The following PARD3 variants were observed in gnomAD, a reference collection of about 807,000 sequenced individuals.
PARD3 encodes par-3 family cell polarity regulator.
Under a neutral mutation model 155.4 loss-of-function variants are expected in PARD3, and 75 were observed. That is an observed-to-expected ratio of 0.48 (90% confidence interval 0.40 to 0.58). The LOEUF is 0.58. PARD3 is among the 20% of genes least tolerant of loss of function. The pLI is 0.00. For missense variants in PARD3, 1,642 were observed against 1,721.7 expected (o/e 0.95, Z 0.82); for synonymous variants, 576 against 610.5 (o/e 0.94, Z 0.83).
At chr10:34,809,872 C>T (rs1279795582) in intron 1 of PARD3, among the ~76,000 whole-genome samples, 2 of 152,064 alleles carry the variant, frequency 1.3e-5, no homozygotes, top group Non-Finnish European at 2.9e-5. Context: ...TTATGCTTGC[C>T]TCTATTTTCT....
rs147415071 is a variant in PARD3 at position 34,340,683 on chromosome 10, T to C, written c.2408+944A>G. On this transcript the variant is annotated intron_variant, in intron 16 of 24. Transcript: ENST00000374788. ...TCATGTGGAGAGTCAGGGAAGAGGATTGGGGGAGTGGTTCACTTTGTTAAG... is the reference window on the plus strand; with the variant it reads ...TCATGTGGAGAGTCAGGGAAGAGGACTGGGGGAGTGGTTCACTTTGTTAAG... Among the ~76,000 whole-genome samples the C allele has an allele frequency of 2.1e-3, 314 of 152,286 alleles. 2 individuals are homozygous for C. Among genetic ancestry groups the C allele is most frequent in the African/African-American group, 5.6e-3 (233 of 41,572 alleles).
At chr10:34,781,594 T>C (rs1358701953) in intron 1 of PARD3, among the ~76,000 whole-genome samples, 1 of 152,200 alleles carries the variant, frequency 6.6e-6, no homozygotes. Flanking sequence ...ATTCTCTAAA[T>C]ATACCAGGCC....
chr10:34,179,172 A>G (rs369395258), intron 22 of PARD3, among the ~76,000 whole-genome samples: 15,472 of 94,184 alleles, frequency 0.16, 1,981 homozygotes, highest in African/African-American at 0.44. Context: ...GTGCGCGCAC[A>G]CACACACACA....
chr10:34,624,364 AAAAAAAACCACAAC>A (rs1206496930), intron 2 of PARD3, among the ~76,000 whole-genome samples: 1 of 151,906 alleles, frequency 6.6e-6, no homozygotes, highest in Non-Finnish European at 1.5e-5. Context: ...AAAACTAGGT[AAAAAAAACCACAAC>A]GAAAAGGATC....
chr10:34,381,744 C>A, intron 9 of PARD3, among the ~76,000 whole-genome samples: 1 of 151,504 alleles, frequency 6.6e-6, no homozygotes, highest in East Asian at 1.9e-4. Context: ...TCAACCTGGG[C>A]AACATGGCAA....
chr10:34,293,888 C>G lies in PARD3; in HGVS notation c.3066-9643G>C, dbSNP rs146524285. On this transcript the variant is annotated intron_variant, in intron 20 of 24. Coordinates refer to ENST00000374788, the MANE Select transcript of PARD3 (RefSeq NM_001184785.2). ...CTTTGCCAGGTCAGAGGCAAATAAT[C>G]ATACCCTACATCTGGTTACCATGGT... 5.3e-5 allele frequency among the ~76,000 whole-genome samples: 8 copies of G among 152,290 alleles called. No homozygotes were observed. The East Asian group carries it at 1.5e-3, about 29-fold the overall frequency.
intron 4 of PARD3, among the ~76,000 whole-genome samples, chr10:34,456,842 T>C (rs1304212304): frequency 2.6e-5 from 4 of 152,234 alleles, no homozygotes; most frequent in Non-Finnish European, 5.9e-5. Context: ...ATAATATCTT[T>C]TCTAGTCATT....
chr10:34,561,973 A>G (rs2085514061), intron 2 of PARD3, among the ~76,000 whole-genome samples: 1 of 151,172 alleles, frequency 6.6e-6, no homozygotes. Flanking sequence ...CTCTACTAAA[A>G]ATACAAAAAA....
chr10:34,687,128 T>A (rs1564508226), intron 2 of PARD3, among the ~76,000 whole-genome samples: 1 of 152,158 alleles, frequency 6.6e-6, no homozygotes, highest in Non-Finnish European at 1.5e-5. Context: ...GTTCCTAACC[T>A]GAAAATTCTG....
chr10:34,221,388 C>CT (rs3039277), intron 22 of PARD3, among the ~76,000 whole-genome samples: 13,122 of 119,674 alleles, frequency 0.11, 2,265 homozygotes, highest in African/African-American at 0.37. Flanking sequence ...CAGGACTTGC[C>CT]TTTTTTTTTT....
At chr10:34,243,391 A>G (rs1953732320) in intron 22 of PARD3, among the ~76,000 whole-genome samples, 1 of 152,208 alleles carries the variant, frequency 6.6e-6, no homozygotes, top group Non-Finnish European at 1.5e-5. Flanking sequence ...TTTACTCCAT[A>G]GATGGCCCGC....
chr10:34,320,548 G>A (rs1363926439), intron 19 of PARD3, among the ~76,000 whole-genome samples: 1 of 152,114 alleles, frequency 6.6e-6, no homozygotes, highest in African/African-American at 2.4e-5. Context: ...GGCATATGTC[G>A]GCTCTTGGCT....
intron 3 of PARD3, among the ~76,000 whole-genome samples, chr10:34,485,198 C>T (rs961821505): frequency 2.0e-4 from 30 of 152,240 alleles, no homozygotes; most frequent in South Asian, 2.1e-4. Flanking sequence ...ATTAGCCGGG[C>T]GTGGTGGTGC....
intron 22 of PARD3, among the ~76,000 whole-genome samples, chr10:34,251,199 G>A (rs142851628): frequency 5.4e-4 from 82 of 152,278 alleles, no homozygotes; most frequent in African/African-American, 1.9e-3. Context: ...ATACAAAGGT[G>A]ACAAATCTAA....
intron 2 of PARD3, among the ~76,000 whole-genome samples, chr10:34,523,081 C>T (rs2082251810): frequency 6.6e-6 from 1 of 152,166 alleles, no homozygotes; most frequent in African/African-American, 2.4e-5. Context: ...TTTTTCTGAA[C>T]ATATCTGAGG....
At chr10:34,509,459 C>T (rs911599049) in intron 3 of PARD3, among the ~76,000 whole-genome samples, 1 of 151,892 alleles carries the variant, frequency 6.6e-6, no homozygotes, top group African/African-American at 2.4e-5. Flanking sequence ...GTTTAGAAGC[C>T]CAGGATAGTG....
intron 20 of PARD3, among the ~76,000 whole-genome samples, chr10:34,294,659 CA>C (rs1160495044): frequency 6.6e-6 from 1 of 152,162 alleles, no homozygotes; most frequent in Non-Finnish European, 1.5e-5. Context: ...TCAGATTCTA[CA>C]TTAGGGAGCT....
rs1338825377 is a variant in PARD3, at chr10:34,317,139, C to G, written c.3033G>C (p.Lys1011Asn). The G allele has an allele frequency of 6.4e-7, 1 of 1,570,130 alleles. No individual in the cohort carries two copies. The highest frequency in any genetic ancestry group is 8.6e-7 in the Non-Finnish European group (1 of 1,156,240). Residue 1011 changes from lysine to asparagine, a missense_variant, in exon 20 of 25, where the codon AAG (lysine) becomes AAC (asparagine). Physicochemically the swap from Lys to Asn is moderately conservative, Grantham distance 94. Around this residue, in one of 3 missense-constraint regions of PARD3, gnomAD observed 1,529 missense variants for 1,587.3 expected, o/e 0.96. Transcript: ENST00000374788. ...TGTCTCCCAAGCCCTTCAGCATTCC[C>G]TTCTTGGCTTTCATTTTATCCTTCT... ...DKEKDKMKAK[K>N]GMLKGLGDMF...
At chr10:34,709,754 C>T (rs1330531781) in intron 1 of PARD3, among the ~76,000 whole-genome samples, 1 of 152,148 alleles carries the variant, frequency 6.6e-6, no homozygotes, top group Non-Finnish European at 1.5e-5. Flanking sequence ...AAGGGAACTA[C>T]TTTGGGGCTA....
Sources: allele counts gnomAD v4.1 joint callset (sites outside exome capture counted in the v4.1 genomes callset), GRCh38; gene constraint gnomAD v4.1.1; regional missense constraint gnomAD v4.1.1; transcripts MANE v1.5; gene names NCBI Gene and HGNC (gene_info 2026-07-23, HGNC 2026-07-21).